The following DCP1A variants were observed in gnomAD, a reference collection of about 807,000 sequenced individuals.
DCP1A encodes the protein decapping mRNA 1A.
In DCP1A, 20 loss-of-function variants were observed where a neutral mutation model predicts 58.0. That is an observed-to-expected ratio of 0.34 (90% CI 0.24 to 0.50). The LOEUF (loss-of-function observed/expected upper bound fraction) is 0.50. DCP1A is among the 20% of genes least tolerant of loss of function. The pLI is 0.98. For synonymous variants in DCP1A, 285 were observed against 275.1 expected (o/e 1.04, Z -0.36); for missense variants, 613 against 712.2 (o/e 0.86, Z 1.59).
intron 3 of DCP1A, 74 bp from the exon 4 acceptor site, chr3:53,319,547 A>G: frequency 1.1e-6 from 1 of 903,332 alleles, no homozygotes; most frequent in Non-Finnish European, 1.7e-6. Context: ...ATAATATATT[A>G]TCATCATGGA....
intron 7 of DCP1A, 51 bp downstream of exon 7, chr3:53,292,018 C>A: frequency 6.5e-7 from 1 of 1,536,858 alleles, no homozygotes; most frequent in East Asian, 2.3e-5. Flanking sequence ...TAGTTTCATC[C>A]CATCCAGTTA....
At chr3:53,304,853 G>C (rs1463474421) in intron 5 of DCP1A, among the ~76,000 whole-genome samples, 1 of 152,086 alleles carries the variant, frequency 6.6e-6, no homozygotes, top group African/African-American at 2.4e-5. Flanking sequence ...AAAGTGCTGG[G>C]ATTATGGGTG....
At chr3:53,306,261 A>G (rs1707468918) in intron 5 of DCP1A, among the ~76,000 whole-genome samples, 1 of 152,218 alleles carries the variant, frequency 6.6e-6, no homozygotes, top group African/African-American at 2.4e-5. Flanking sequence ...ACATTTGGTG[A>G]AAGCCTATGA....
chr3:53,319,342 G>A, intron 4 of DCP1A, 65 bp downstream of exon 4: 1 of 1,048,854 alleles, frequency 9.5e-7, no homozygotes, highest in Non-Finnish European at 1.4e-6. Flanking sequence ...ACAAAGAGAA[G>A]TGGGAGGGGA....
chr3:53,287,916 T>C (rs1005799811), intron 9 of DCP1A, 149 bp downstream of exon 9: 4 of 779,054 alleles, frequency 5.1e-6, no homozygotes, highest in Middle Eastern at 3.7e-4. Context: ...TGGCCTCCCA[T>C]AGTGCTGGGA....
At chr3:53,342,605 C>A (rs895216646) in intron 2 of DCP1A, among the ~76,000 whole-genome samples, 3 of 152,154 alleles carry the variant, frequency 2.0e-5, no homozygotes, top group South Asian at 2.1e-4. Flanking sequence ...ACTCTCTCTG[C>A]GTGTGTGCTT....
chr3:53,308,277 G>C (rs782644280), intron 5 of DCP1A, among the ~76,000 whole-genome samples: 4 of 152,092 alleles, frequency 2.6e-5, no homozygotes, highest in Non-Finnish European at 5.9e-5. Flanking sequence ...TGGTGTTCAT[G>C]TTTATTTAGG....
rs1553687757 is a variant in DCP1A at position 53,304,339 on chromosome 3, A to G, written c.511-49T>C. On this transcript the variant is annotated intron_variant, in intron 5 of 9. Transcript: ENST00000610213. ...ATATATCTTGTGAAAAAAATTTGCT[A>G]TTATTTGGCTCACAAAACAGCATCT... The G allele has an allele frequency of 4.3e-6, 6 of 1,406,646 alleles. No individual in the cohort carries two copies. In the South Asian group the frequency reaches 7.0e-5, roughly 17 times the overall value. The allele number at this position is 1,406,646 out of a possible 1,614,324, so 87.1% of individuals were successfully genotyped here. A position where few individuals can be genotyped will look rare whatever the true frequency, so the allele number is the denominator to read the frequency against.
chr3:53,341,318 G>C (rs1474720073), intron 3 of DCP1A, among the ~76,000 whole-genome samples: 1 of 152,058 alleles, frequency 6.6e-6, no homozygotes, highest in Non-Finnish European at 1.5e-5. Context: ...AGCCAGGCGT[G>C]GTGGCGGGTG....
intron 6 of DCP1A, among the ~76,000 whole-genome samples, chr3:53,298,047 G>A (rs1386339244): frequency 1.3e-5 from 2 of 152,170 alleles, no homozygotes; most frequent in African/African-American, 4.8e-5. Context: ...TTGAGACCCT[G>A]CCTCTACAAA....
rs113070074 is a variant in DCP1A, at chr3:53,289,017, C to CT, written c.1450-735dup. On this transcript the variant is annotated intron_variant, in intron 8 of 9. Transcript: ENST00000610213. ...GTGACAGAGAAAGACTCCATCTCGTCTTTTTTTTTTTAAGGCAGGGTCTCA... is the reference window on the plus strand; with the variant it reads ...GTGACAGAGAAAGACTCCATCTCGTCTTTTTTTTTTTTAAGGCAGGGTCTCA... Among the ~76,000 whole-genome samples, 1,036 of 143,282 alleles carry CT rather than the reference C, an allele frequency of 7.2e-3. 8 individuals are homozygous for CT. Among genetic ancestry groups the CT allele is most frequent in the African/African-American group, 0.023 (897 of 39,604 alleles). The allele number at this position is 143,282 out of a possible 152,430, so 94.0% of individuals were successfully genotyped here.
At chr3:53,299,342 C>T (rs1553687159) in intron 6 of DCP1A, among the ~76,000 whole-genome samples, 1 of 152,160 alleles carries the variant, frequency 6.6e-6, no homozygotes, top group African/African-American at 2.4e-5. Context: ...CTTGAACATG[C>T]TTCAAGTTAG....
At chr3:53,335,535 G>A (rs894422016) in intron 3 of DCP1A, among the ~76,000 whole-genome samples, 8 of 152,264 alleles carry the variant, frequency 5.3e-5, no homozygotes, top group African/African-American at 1.4e-4. Flanking sequence ...AGTCATCAAC[G>A]CTTCAAATAT....
At chr3:53,324,909 T>C (rs1006264565) in intron 3 of DCP1A, among the ~76,000 whole-genome samples, 1 of 152,062 alleles carries the variant, frequency 6.6e-6, no homozygotes, top group African/African-American at 2.4e-5. Flanking sequence ...GGAGGTGTGA[T>C]AGGACATTTC....
At chr3:53,293,103 T>C (rs1404678453) in intron 6 of DCP1A, among the ~76,000 whole-genome samples, 1 of 152,156 alleles carries the variant, frequency 6.6e-6, no homozygotes, top group Non-Finnish European at 1.5e-5. Context: ...TTGGCAAAGC[T>C]GACTGTGCCC....
At chr3:53,315,091 T>C (rs1162486986) in intron 4 of DCP1A, among the ~76,000 whole-genome samples, 1 of 152,164 alleles carries the variant, frequency 6.6e-6, no homozygotes, top group African/African-American at 2.4e-5. Flanking sequence ...ATCCAAACTT[T>C]ATGGATAGCA....
intron 6 of DCP1A, among the ~76,000 whole-genome samples, chr3:53,299,230 A>G (rs1450238156): frequency 6.6e-5 from 10 of 152,222 alleles, no homozygotes; most frequent in Admixed American, 5.9e-4. Context: ...TCTGTTTCTG[A>G]TAAGAAAAAC....
In DCP1A at chr3:53,331,516, T is replaced by G. The variant is rs1471322867; in HGVS notation, c.304+10628A>C. On this transcript the variant is annotated intron_variant, in intron 3 of 9. Transcript: ENST00000610213. ...TACAGTAACATGCTGTACAGGTTTGTAGCCTCAAAGCAATACCATATATTC... is the reference window on the plus strand; with the variant it reads ...TACAGTAACATGCTGTACAGGTTTGGAGCCTCAAAGCAATACCATATATTC... 8.5e-5 allele frequency among the ~76,000 whole-genome samples: 13 copies of G among 152,370 alleles called. No homozygotes were observed. In the East Asian group the frequency reaches 2.5e-3, roughly 29 times the overall value.
intron 6 of DCP1A, among the ~76,000 whole-genome samples, chr3:53,295,703 T>G (rs532495886): frequency 8.5e-5 from 13 of 152,276 alleles, no homozygotes; most frequent in Non-Finnish European, 1.3e-4. Flanking sequence ...CAGTTTATTT[T>G]TAAATTTTTT....
Sources: gnomAD v4.1 joint callset for allele counts (sites outside exome capture counted in the v4.1 genomes callset) on GRCh38, gnomAD v4.1.1 for gene constraint, MANE v1.5 for transcripts, NCBI Gene and HGNC (gene_info 2026-07-23, HGNC 2026-07-21) for gene names.